FPR1: variants seen among roughly 807,000 people sequenced by gnomAD.
FPR1 encodes formyl peptide receptor 1, also known as N-formyl peptide receptor 1.
For missense variants in FPR1, 407 were observed against 453.0 expected (o/e 0.90, Z 0.92); for synonymous variants, 193 against 176.7 (o/e 1.09, Z -0.73).
intron 1 of FPR1, among the ~76,000 whole-genome samples, chr19:51,748,335 T>C (rs554140023): frequency 1.3e-5 from 2 of 152,326 alleles, no homozygotes; most frequent in Admixed American, 6.5e-5. Flanking sequence ...AAGTGGGGAA[T>C]TGTTGCTTAA....
intron 1 of FPR1, among the ~76,000 whole-genome samples, chr19:51,748,265 T>C (rs1371312055): frequency 6.6e-6 from 1 of 152,072 alleles, no homozygotes; most frequent in Non-Finnish European, 1.5e-5. Flanking sequence ...ATATCCAGAG[T>C]AGCCAAACTC....
chr19:51,749,480 A>T (rs2083768198), intron 1 of FPR1, among the ~76,000 whole-genome samples: 1 of 152,070 alleles, frequency 6.6e-6, no homozygotes, highest in South Asian at 2.1e-4. Context: ...GGCCAGATGG[A>T]TGGGAGGTGC....
At chr19:51,747,687 C>T (rs969766280) in intron 1 of FPR1, among the ~76,000 whole-genome samples, 2 of 152,104 alleles carry the variant, frequency 1.3e-5, no homozygotes, top group Admixed American at 1.3e-4. Context: ...AGACACTCCT[C>T]CCTATAGCCA....
At chr19:51,749,970 C>G (rs938040424) in intron 1 of FPR1, among the ~76,000 whole-genome samples, 2 of 152,214 alleles carry the variant, frequency 1.3e-5, no homozygotes, top group Non-Finnish European at 2.9e-5. Context: ...TGCGCCCGGC[C>G]TGGTCTTCTC....
chr19:51,745,839 A>G lies in FPR1; in HGVS notation c.*103T>C, dbSNP rs1188070920. 11 of 778,726 alleles carry G rather than the reference A, an allele frequency of 1.4e-5. No individual in the cohort carries two copies. Among genetic ancestry groups the G allele is most frequent in the Non-Finnish European group, 8.3e-6 (4 of 479,296 alleles). 48.2% of individuals were successfully genotyped at this position (778,726 alleles called of 1,614,324 possible). ...AAGGCTTTTTTTTTTTTTTCTGATG[A>G]GTGGGTAATCCTAAAATAAGCAGGA... On this transcript the variant is annotated 3_prime_UTR_variant, in exon 2 of 2. Coordinates refer to ENST00000304748, the MANE Select transcript of FPR1 (RefSeq NM_002029.4).
At position 51,745,974 on chromosome 19, in the gene FPR1, G is replaced by A. The variant is rs773182339; in HGVS notation, c.1021C>T (p.Pro341Ser). 6.2e-7 allele frequency: 1 copy of A among 1,613,758 alleles called. No homozygotes were observed. The highest frequency in any genetic ancestry group is 2.2e-5 in the East Asian group (1 of 44,848). ...GCCTGTAACTCCACCTCTGCAGAAG[G>A]TAAAGTAGAATTGGTAGCTGTGTCA... ...TSDTATNSTL[P>S]SAEVELQAK Residue 341 changes from proline (P) to serine (S), a missense_variant, in exon 2 of 2, where the codon CCT (proline) becomes TCT (serine). Physicochemically the swap from Pro to Ser is moderately conservative, Grantham distance 74 (BLOSUM62 -1). Transcript: ENST00000304748.
intron 1 of FPR1, among the ~76,000 whole-genome samples, chr19:51,749,138 G>A (rs776534575): frequency 1.2e-4 from 18 of 152,020 alleles, no homozygotes; most frequent in East Asian, 1.9e-4. Context: ...TCACTTGAAC[G>A]TGGGAGGCGG....
intron 1 of FPR1, among the ~76,000 whole-genome samples, chr19:51,749,415 T>C (rs2083767738): frequency 6.6e-6 from 1 of 152,128 alleles, no homozygotes; most frequent in Non-Finnish European, 1.5e-5. Flanking sequence ...GATTCTGTGC[T>C]AGAAGAAGTC....
chr19:51,747,080 C>T (rs2083753069), intron 1 of FPR1, 75 bp from the exon 2 acceptor site: 3 of 1,155,612 alleles, frequency 2.6e-6, no homozygotes, highest in Non-Finnish European at 3.7e-6. Flanking sequence ...ATTTCTGCCC[C>T]TGCCAGTTTT....
chr19:51,746,553 C>T lies in FPR1; in HGVS notation c.442G>A (p.Gly148Arg). The change falls in exon 2 of 2, where the codon GGG becomes AGG. Residue 148 changes from glycine to arginine, a missense_variant. Gly to Arg is a moderately radical substitution (Grantham distance 125, BLOSUM62 -2). Transcript: ENST00000304748. The surrounding 1 kb of genome is among the most constrained non-coding windows in gnomAD (Gnocchi z 4.3). ...AGGAGCAGAGCCATCACCCAGGGCC[C>T]AATGATCACCTTCTTGGCCAGGCTC... ...TVSLAKKVII[G>R]PWVMALLLTL... is the part of the protein sequence containing the mutation. The T allele has an allele frequency of 6.2e-7, 1 of 1,614,162 alleles. No homozygotes were observed. Among genetic ancestry groups the T allele is most frequent in the Non-Finnish European group, 8.5e-7 (1 of 1,180,020 alleles).
At chr19:51,748,786 A>G (rs2083763288) in intron 1 of FPR1, among the ~76,000 whole-genome samples, 1 of 152,206 alleles carries the variant, frequency 6.6e-6, no homozygotes, top group Non-Finnish European at 1.5e-5. Context: ...TTTGTATTTT[A>G]CCATCAATTT....
chr19:51,748,293 A>G (rs1261249789), intron 1 of FPR1, among the ~76,000 whole-genome samples: 1 of 152,252 alleles, frequency 6.6e-6, no homozygotes, highest in Non-Finnish European at 1.5e-5. Flanking sequence ...CCGAATGCAG[A>G]TTAGTGATTG....
In FPR1 at chr19:51,746,877, C is replaced by T. The variant is rs750811701; in HGVS notation, c.118G>A (p.Gly40Arg). ...YLVFAVTFVLGVLGNGLVIWV... is the reference protein window; with the variant it reads ...YLVFAVTFVLRVLGNGLVIWV... ...ATCACAAGCCCGTTGCCCAGGACCCCGAGGACAAAGGTGACTGCAAATACC... is the reference window on the plus strand; with the variant it reads ...ATCACAAGCCCGTTGCCCAGGACCCTGAGGACAAAGGTGACTGCAAATACC... The change falls in exon 2 of 2, where the codon GGG (glycine) becomes AGG (arginine). Residue 40 changes from glycine (G) to arginine (R), a missense_variant. By Grantham distance (125) the Gly-to-Arg change is moderately radical (BLOSUM62 -2). Transcript: ENST00000304748. This position sits in a 1 kb window ranked among gnomAD's most constrained non-coding sequence, Gnocchi z 4.3. The T allele has an allele frequency of 2.6e-5, 42 of 1,613,910 alleles. No individual in the cohort carries two copies. In the South Asian group the frequency reaches 3.3e-4, roughly 13 times the overall value.
In FPR1 at chr19:51,745,803, C is replaced by A. The variant is rs1221573076; in HGVS notation, c.*139G>T. ...TCATATCTGTTTATTCTCCCCAAAT[C>A]AGGGGACACAAAGGCTTTTTTTTTT... is the stretch of plus-strand genomic sequence containing the variant. On this transcript the variant is annotated 3_prime_UTR_variant, in exon 2 of 2. Coordinates refer to ENST00000304748, the MANE Select transcript of FPR1 (RefSeq NM_002029.4). 2 of 691,484 alleles carry A rather than the reference C, an allele frequency of 2.9e-6. No individual in the cohort carries two copies. The highest frequency in any genetic ancestry group is 4.9e-6 in the Non-Finnish European group (2 of 411,230). The allele number at this position is 691,484 out of a possible 1,614,324, so 42.8% of individuals were successfully genotyped here.
chr19:51,746,482 C>A lies in FPR1; in HGVS notation c.513G>T (p.Thr171=). The change falls in exon 2 of 2, where the codon ACG becomes ACT. Residue 171 remains threonine, a synonymous_variant. Transcript: ENST00000304748. This position sits in a 1 kb window ranked among gnomAD's most constrained non-coding sequence, Gnocchi z 4.3. ...AGTTAAAAGTGCAGGCTACTGTCCCCGTTTTACCAGGTACTGTAGTCACAC... is the reference window on the plus strand; with the variant it reads ...AGTTAAAAGTGCAGGCTACTGTCCCAGTTTTACCAGGTACTGTAGTCACAC... ...IIRVTTVPGK[T]GTVACTFNFS... is the part of the protein sequence containing the mutation. 2 of 1,614,126 alleles carry A rather than the reference C, an allele frequency of 1.2e-6. No homozygotes were observed. The highest frequency in any genetic ancestry group is 1.7e-6 in the Non-Finnish European group (2 of 1,180,022).
At chr19:51,750,449 T>G (rs533196430) in intron 1 of FPR1, among the ~76,000 whole-genome samples, 4 of 152,322 alleles carry the variant, frequency 2.6e-5, no homozygotes, top group South Asian at 4.1e-4. Flanking sequence ...CTTGACACTT[T>G]GAAATTACAT....
At chr19:51,749,539 G>A (rs756769166) in intron 1 of FPR1, among the ~76,000 whole-genome samples, 4 of 152,172 alleles carry the variant, frequency 2.6e-5, no homozygotes, top group East Asian at 3.9e-4. Flanking sequence ...GTAGAAGACC[G>A]TGATAGAAAT....
intron 1 of FPR1, among the ~76,000 whole-genome samples, chr19:51,748,583 C>A (rs1459523774): frequency 1.3e-5 from 2 of 152,196 alleles, no homozygotes; most frequent in Non-Finnish European, 2.9e-5. Context: ...GCCTCAGCCT[C>A]CTGAGTAGCT....
chr19:51,747,019 G>A lies in FPR1; in HGVS notation c.-11-14C>T. The stretch of plus-strand genomic sequence containing the variant: ...TCTTGTCTGCTCCTGAAATAGTGCA[G>A]TCGTGGTCATTCCTCAGTTATGAAC... On this transcript the variant is annotated splice_polypyrimidine_tract_variant and intron_variant, in intron 1 of 1. Transcript: ENST00000304748. 6.4e-7 allele frequency: 1 copy of A among 1,561,804 alleles called. No individual in the cohort carries two copies.
Sources: allele counts gnomAD v4.1 joint callset (sites outside exome capture counted in the v4.1 genomes callset), GRCh38; gene constraint gnomAD v4.1.1; non-coding constraint Gnocchi (gnomAD v3.1); transcripts MANE v1.5; gene names NCBI Gene and HGNC (gene_info 2026-07-23, HGNC 2026-07-21).